TENM3: variants seen among roughly 807,000 people sequenced by gnomAD.
TENM3 encodes the protein teneurin transmembrane protein 3.
In TENM3, 63 loss-of-function variants were observed where a neutral mutation model predicts 255.1. The ratio of observed to expected loss-of-function variants is 0.25; its 90% CI spans 0.20 to 0.30. The LOEUF is 0.30. TENM3 is among the 10% of genes least tolerant of loss of function. The pLI, the probability that TENM3 is intolerant of heterozygous loss-of-function variation, is 1.00. For missense variants in TENM3, 2,929 were observed against 3,461.1 expected, an observed-to-expected ratio of 0.85 and a Z score of 3.86; for synonymous variants, 1,306 against 1,322.3, an observed-to-expected ratio of 0.99 and a Z score of 0.27.
At chr4:182,043,730 T>C in the TENM3 span, among the ~76,000 whole-genome samples, 14 of 152,226 alleles carry the variant, frequency 9.2e-5, no homozygotes, top group East Asian at 3.8e-4. Flanking sequence ...CACTCTGAGC[T>C]GAAATGTAAT....
chr4:181,742,776 C>T, the TENM3 span, among the ~76,000 whole-genome samples: 5 of 151,926 alleles, frequency 3.3e-5, no homozygotes, highest in Non-Finnish European at 7.4e-5. Context: ...GCTGCACCCA[C>T]TAACTCGTCA....
At chr4:181,546,330 C>T in the TENM3 span, among the ~76,000 whole-genome samples, 2 of 152,158 alleles carry the variant, frequency 1.3e-5, no homozygotes, top group Admixed American at 1.3e-4. Context: ...CAACTGCACA[C>T]CATCATTAAA....
In TENM3 at chr4:182,754,252, C is replaced by A; in HGVS notation, c.4018-133C>A. 1 of 871,322 alleles carries A rather than the reference C, an allele frequency of 1.1e-6. No homozygotes were observed. The highest frequency in any genetic ancestry group is 1.7e-6 in the Non-Finnish European group (1 of 587,144). 54.0% of individuals were successfully genotyped at this position (871,322 alleles called of 1,614,324 possible). ...TACTTTTTGGTTTATTTTACTGAGG[C>A]TATTGAAAAAACTATTATCAGACAG... On this transcript the variant is annotated intron_variant, in intron 21 of 27. Transcript: ENST00000511685. This position sits in a 1 kb window ranked among gnomAD's most constrained non-coding sequence, Gnocchi z 5.1.
At chr4:181,448,461 G>A in the TENM3 span, among the ~76,000 whole-genome samples, 1 of 152,050 alleles carries the variant, frequency 6.6e-6, no homozygotes, top group South Asian at 2.1e-4. Flanking sequence ...GTGAGCCACC[G>A]CGCCCGGCCG....
chr4:182,613,842 G>C (rs950574011), intron 4 of TENM3, among the ~76,000 whole-genome samples: 8 of 152,140 alleles, frequency 5.3e-5, no homozygotes, highest in Non-Finnish European at 8.8e-5. Context: ...AGCATATTTT[G>C]TGCAATTACT....
intron 5 of TENM3, among the ~76,000 whole-genome samples, chr4:182,642,761 T>C (rs1752423697): frequency 6.6e-6 from 1 of 152,236 alleles, no homozygotes; most frequent in Non-Finnish European, 1.5e-5. Flanking sequence ...GTTAGTTCTT[T>C]TGAATATAAA....
chr4:182,711,469 G>A (rs1039882023), intron 12 of TENM3: 1 of 246,886 alleles, frequency 4.1e-6, no homozygotes, highest in Non-Finnish European at 6.5e-6. Flanking sequence ...TGAGTCTTAT[G>A]TCAGCTGAAG....
At chr4:182,094,040 G>A in the TENM3 span, among the ~76,000 whole-genome samples, 1 of 151,998 alleles carries the variant, frequency 6.6e-6, no homozygotes, top group Non-Finnish European at 1.5e-5. Context: ...TGAAGCCCTG[G>A]GCCCCACAGA....
chr4:181,472,027 G>T, the TENM3 span, among the ~76,000 whole-genome samples: 2 of 152,130 alleles, frequency 1.3e-5, no homozygotes, highest in East Asian at 1.9e-4. Context: ...CAGGACACTT[G>T]TCACATGAGG....
Position 182,161,861 on chromosome 4 carries a change from GTGTATA to G in TENM3, c.-76+17109_-76+17114del, listed in dbSNP as rs1751328614. 1.4e-4 allele frequency among the ~76,000 whole-genome samples: 2 copies of G among 14,812 alleles called. 1 individual carries two copies. Among genetic ancestry groups the G allele is most frequent in the Non-Finnish European group, 4.5e-4 (2 of 4,466 alleles). The allele number at this position is 14,812 out of a possible 152,430, so 9.7% of individuals were successfully genotyped here. On this transcript the variant is annotated intron_variant, in intron 1 of 2. Coordinates refer to the TENM3 transcript ENST00000512480. Reference sequence around the variant, plus strand: ...TGTGTATATATACACAAATATATATGTGTATATATGTGTATATATATACACACATAT... The same window carrying G: ...TGTGTATATATACACAAATATATATGTATGTGTATATATATACACACATAT...
chr4:181,477,829 C>T, the TENM3 span, among the ~76,000 whole-genome samples: 2 of 152,046 alleles, frequency 1.3e-5, no homozygotes, highest in Admixed American at 6.5e-5. Flanking sequence ...TTCTGAATCA[C>T]GTGAATACTT....
At chr4:181,743,729 G>C in the TENM3 span, among the ~76,000 whole-genome samples, 4 of 152,128 alleles carry the variant, frequency 2.6e-5, no homozygotes, top group African/African-American at 9.7e-5. Context: ...ATGTAAGATG[G>C]GGAGCTTTTA....
chr4:182,097,875 A>G, the TENM3 span, among the ~76,000 whole-genome samples: 1 of 152,194 alleles, frequency 6.6e-6, no homozygotes, highest in African/African-American at 2.4e-5. Flanking sequence ...GAAGCCCCCA[A>G]AATGTGCATA....
At chr4:182,612,746 G>GACACACACAC (rs34378103) in intron 4 of TENM3, among the ~76,000 whole-genome samples, 4 of 150,756 alleles carry the variant, frequency 2.7e-5, no homozygotes, top group Admixed American at 2.0e-4. Context: ...AATACACACA[G>GACACACACAC]ACACACACAC....
chr4:182,741,837 A>G (rs1390458813), intron 18 of TENM3, among the ~76,000 whole-genome samples: 2 of 152,258 alleles, frequency 1.3e-5, no homozygotes, highest in Non-Finnish European at 2.9e-5. Flanking sequence ...AGAAGTAATC[A>G]CAGAATGCAC....
At chr4:182,308,208 A>G (rs1213741051) in intron 1 of TENM3, among the ~76,000 whole-genome samples, 1 of 152,238 alleles carries the variant, frequency 6.6e-6, no homozygotes, top group Non-Finnish European at 1.5e-5. Flanking sequence ...ACCGCAAAGC[A>G]CAGGCTGGAT....
At chr4:182,261,564 A>G (rs1360622803) in intron 1 of TENM3, among the ~76,000 whole-genome samples, 1 of 152,232 alleles carries the variant, frequency 6.6e-6, no homozygotes, top group African/African-American at 2.4e-5. Context: ...TGCGCTTTTA[A>G]AGAATAATGG....
intron 3 of TENM3, among the ~76,000 whole-genome samples, chr4:182,534,617 ATTATT>A (rs773159622): frequency 2.6e-4 from 40 of 152,300 alleles, no homozygotes; most frequent in Non-Finnish European, 5.4e-4. Context: ...GGGGCATAGT[ATTATT>A]TTTCCTGTTT....
In TENM3 at chr4:182,327,585, G is replaced by A. The variant is rs527405628; in HGVS notation, c.232+3333G>A. On this transcript the variant is annotated intron_variant, in intron 2 of 27. Coordinates refer to ENST00000511685, the MANE Select transcript of TENM3 (RefSeq NM_001080477.4). ...GTTAATTACATGTTATATTTAGGTA[G>A]CATAATGCTGGGGATCATTTCTTCT... Among the ~76,000 whole-genome samples, 4 of 152,316 alleles carry A rather than the reference G, an allele frequency of 2.6e-5. No individual in the cohort carries two copies. The South Asian group carries it at 8.3e-4, about 32-fold the overall frequency.
Sources: allele counts gnomAD v4.1 joint callset (sites outside exome capture counted in the v4.1 genomes callset), GRCh38; gene constraint gnomAD v4.1.1; non-coding constraint Gnocchi (gnomAD v3.1); transcripts MANE v1.5; gene names NCBI Gene and HGNC (gene_info 2026-07-23, HGNC 2026-07-21).